The following GPHN variants were observed in gnomAD, a reference collection of about 807,000 sequenced individuals.
The protein encoded by GPHN is gephyrin.
GPHN carries 17 observed loss-of-function variants against 95.5 expected under a neutral mutation model. The ratio of observed to expected loss-of-function variants is 0.18; its 90% CI spans 0.12 to 0.27. GPHN has a LOEUF of 0.27. Among genes scored for constraint, GPHN ranks in the 10% least tolerant of loss-of-function variants. GPHN has a pLI of 1.00. For synonymous variants in GPHN, 320 were observed against 322.5 expected, an observed-to-expected ratio of 0.99 and a Z score of 0.08; for missense variants, 660 against 978.1, an observed-to-expected ratio of 0.67 and a Z score of 4.34.
chr14:67,254,031 C>A, the GPHN span, among the ~76,000 whole-genome samples: 9 of 141,610 alleles, frequency 6.4e-5, no homozygotes, highest in South Asian at 4.7e-4. Flanking sequence ...TTCATCCCCC[C>A]CCCCTTACAA....
chr14:67,179,826 T>C (rs1482156411), intron 22 of GPHN, 152 bp downstream of exon 22: 2 of 621,704 alleles, frequency 3.2e-6, no homozygotes, highest in African/African-American at 1.8e-5. Flanking sequence ...CTAAACAGTA[T>C]AGCAAAAGTT....
the GPHN span, among the ~76,000 whole-genome samples, chr14:67,516,139 T>C: frequency 3.3e-5 from 5 of 152,194 alleles, no homozygotes; most frequent in Non-Finnish European, 7.3e-5. Context: ...CCCCTTGGAC[T>C]GGTCCTGGGT....
the GPHN span, chr14:67,574,036 A>G: frequency 2.8e-6 from 2 of 710,436 alleles, no homozygotes; most frequent in Middle Eastern, 2.8e-4. The surrounding 1 kb of genome is among the most constrained non-coding windows in gnomAD (Gnocchi z 4.2). Flanking sequence ...TGAGTACAAG[A>G]AAGGAAGATG....
chr14:67,079,476 A>G (rs2076610655), intron 11 of GPHN, among the ~76,000 whole-genome samples: 1 of 152,002 alleles, frequency 6.6e-6, no homozygotes, highest in Non-Finnish European at 1.5e-5. Context: ...GTTTCTATAA[A>G]TTTGCCTATT....
At chr14:67,182,442 A>G (rs904032510), downstream of GPHN, among the ~76,000 whole-genome samples, 1 of 152,220 alleles carries the variant, frequency 6.6e-6, no homozygotes, top group African/African-American at 2.4e-5. Context: ...AGGGATGGTA[A>G]ATAAAGGCAA....
chr14:67,299,710 G>A, the GPHN span, among the ~76,000 whole-genome samples: 6 of 152,168 alleles, frequency 3.9e-5, no homozygotes, highest in African/African-American at 9.6e-5. Context: ...AGGTTAGTAG[G>A]GCAGTGGGTA....
At chr14:66,645,294 G>T (rs1056459852) in intron 1 of GPHN, among the ~76,000 whole-genome samples, 1 of 152,072 alleles carries the variant, frequency 6.6e-6, no homozygotes, top group Non-Finnish European at 1.5e-5. Flanking sequence ...TAATCTAACA[G>T]ATATTTATCT....
At chr14:66,658,534 C>A (rs1369135577) in intron 1 of GPHN, among the ~76,000 whole-genome samples, 1 of 152,096 alleles carries the variant, frequency 6.6e-6, no homozygotes, top group Admixed American at 6.5e-5. Flanking sequence ...TCTGTTGCAA[C>A]CACCACCATG....
the GPHN span, chr14:67,674,651 C>G: frequency 3.9e-6 from 2 of 512,470 alleles, no homozygotes; most frequent in East Asian, 6.9e-5. Context: ...CCTCTCGAGC[C>G]GGAACGCCCA....
intron 1 of GPHN, among the ~76,000 whole-genome samples, chr14:66,614,780 C>T (rs896748974): frequency 6.6e-6 from 1 of 151,860 alleles, no homozygotes; most frequent in African/African-American, 2.4e-5. Flanking sequence ...GATACATATG[C>T]AGAACCTGCA....
the GPHN span, among the ~76,000 whole-genome samples, chr14:67,453,146 T>C: frequency 6.6e-6 from 1 of 152,232 alleles, no homozygotes; most frequent in Non-Finnish European, 1.5e-5. Flanking sequence ...CAGATGTCTT[T>C]TGGGTCAAGC....
chr14:66,590,914 A>C (rs2061613581), intron 1 of GPHN, among the ~76,000 whole-genome samples: 1 of 152,212 alleles, frequency 6.6e-6, no homozygotes, highest in Non-Finnish European at 1.5e-5. Context: ...TCAATAAAAT[A>C]CTGGCAAACC....
intron 9 of GPHN, among the ~76,000 whole-genome samples, chr14:66,997,538 G>C (rs921627915): frequency 2.0e-5 from 3 of 152,094 alleles, no homozygotes; most frequent in African/African-American, 7.2e-5. Context: ...ATCTCAGAAT[G>C]TCATCCCAAA....
At chr14:67,264,741 ATTGT>A in the GPHN span, among the ~76,000 whole-genome samples, 1 of 152,136 alleles carries the variant, frequency 6.6e-6, no homozygotes, top group Non-Finnish European at 1.5e-5. Context: ...TCCCAAAGCC[ATTGT>A]ATGGCCTAGA....
At chr14:67,430,618 G>A in the GPHN span, among the ~76,000 whole-genome samples, 1 of 152,156 alleles carries the variant, frequency 6.6e-6, no homozygotes, top group African/African-American at 2.4e-5. Flanking sequence ...GATAAGATCT[G>A]GAGGAGGCAG....
the GPHN span, among the ~76,000 whole-genome samples, chr14:67,476,176 A>T: frequency 1.3e-5 from 2 of 152,258 alleles, no homozygotes; most frequent in South Asian, 4.1e-4. Flanking sequence ...CTGTCTGGGA[A>T]TTCCAGCCTC....
chr14:66,951,481 A>G (rs959877169), intron 8 of GPHN, among the ~76,000 whole-genome samples: 1 of 149,860 alleles, frequency 6.7e-6, no homozygotes, highest in Non-Finnish European at 1.5e-5. Context: ...GCACCACTGC[A>G]CTCCAGCCTG....
the GPHN span, among the ~76,000 whole-genome samples, chr14:67,489,793 A>T: frequency 6.6e-6 from 1 of 152,202 alleles, no homozygotes. Flanking sequence ...GATCGAGACC[A>T]TCCTGGCTAA....
At chr14:67,695,814 C>G in the GPHN span, 2 of 1,004,820 alleles carry the variant, frequency 2.0e-6, no homozygotes, top group Non-Finnish European at 3.0e-6. Context: ...GGGGAGCAGA[C>G]CTTCTGGGAA....
Sources: allele counts gnomAD v4.1 joint callset (sites outside exome capture counted in the v4.1 genomes callset), GRCh38; gene constraint gnomAD v4.1.1; non-coding constraint Gnocchi (gnomAD v3.1); transcripts MANE v1.5; gene names NCBI Gene and HGNC (gene_info 2026-07-23, HGNC 2026-07-21).